The following FAF2 variants were observed in gnomAD, a reference collection of about 807,000 sequenced individuals.
FAF2 encodes the protein FAS-associated factor 2.
Under a neutral mutation model 62.3 loss-of-function variants are expected in FAF2, and 9 were observed. That is an observed-to-expected ratio of 0.14 (90% CI 0.09 to 0.25). The LOEUF is 0.25. FAF2 is among the 10% of genes least tolerant of loss of function. The probability of loss-of-function intolerance (pLI) is 1.00; values close to 1 mark genes in which losing one functional copy is unlikely to be tolerated. For missense variants in FAF2, 368 were observed against 556.2 expected (o/e 0.66, Z 3.40); for synonymous variants, 202 against 198.0 (o/e 1.02, Z -0.17).
rs201122100 is a variant in FAF2 at position 176,489,006 on chromosome 5, A to C, written c.323A>C (p.Tyr108Ser). Residue 108 changes from tyrosine (Y) to serine (S), a missense_variant, in exon 4 of 11, where the codon TAC (tyrosine) becomes TCC (serine). Tyr to Ser is a moderately radical substitution (Grantham distance 144). Transcript: ENST00000261942. ...ATGCTTCCATTCCGGTTTACCTATT[A>C]CACGATACTTGATATATTTAGGTAT... ...LIMLPFRFTY[Y>S]TILDIFRFAL... 1 of 1,613,642 alleles carries C rather than the reference A, an allele frequency of 6.2e-7. No homozygotes were observed. Among genetic ancestry groups the C allele is most frequent in the East Asian group, 2.2e-5 (1 of 44,858 alleles).
intron 3 of FAF2, among the ~76,000 whole-genome samples, chr5:176,487,987 C>T (rs549811619): frequency 4.6e-5 from 7 of 152,096 alleles, no homozygotes; most frequent in East Asian, 1.9e-4. Flanking sequence ...GGATTACAGG[C>T]GCCCACCACC....
chr5:176,474,021 A>G (rs1758619209), intron 1 of FAF2, among the ~76,000 whole-genome samples: 1 of 152,230 alleles, frequency 6.6e-6, no homozygotes. Flanking sequence ...GAATGGTATT[A>G]GAAACCAAGT....
chr5:176,467,137 T>TCC (rs1321269277), intron 1 of FAF2, among the ~76,000 whole-genome samples: 1 of 57,330 alleles, frequency 1.7e-5, no homozygotes, highest in Non-Finnish European at 5.0e-5. Flanking sequence ...TCCTTTTTTT[T>TCC]TTTTTTTTTT....
At chr5:176,487,717 A>T (rs1758899849) in intron 3 of FAF2, among the ~76,000 whole-genome samples, 1 of 152,216 alleles carries the variant, frequency 6.6e-6, no homozygotes, top group African/African-American at 2.4e-5. Context: ...TACTAAGATA[A>T]GCAGCTATAT....
chr5:176,452,546 A>G (rs935187832), intron 1 of FAF2, among the ~76,000 whole-genome samples: 1 of 152,208 alleles, frequency 6.6e-6, no homozygotes, highest in Non-Finnish European at 1.5e-5. Context: ...CTAGATCTGG[A>G]CTTGATGGCT....
chr5:176,463,708 T>A (rs1433721309), intron 1 of FAF2, among the ~76,000 whole-genome samples: 3 of 150,280 alleles, frequency 2.0e-5, no homozygotes, highest in African/African-American at 7.3e-5. Context: ...AGAATTAGAA[T>A]AAAGGGTTAT....
In FAF2 at chr5:176,459,503, G is replaced by A. The variant is rs143133127; in HGVS notation, c.63+11033G>A. 9.9e-4 allele frequency among the ~76,000 whole-genome samples: 150 copies of A among 152,144 alleles called. 2 individuals carry two copies. Among genetic ancestry groups the A allele is most frequent in the Middle Eastern group, 3.4e-3 (1 of 294 alleles). On this transcript the variant is annotated intron_variant, in intron 1 of 10. Coordinates refer to ENST00000261942, the MANE Select transcript of FAF2 (RefSeq NM_014613.3). ...TGGTCTCAAACTCCTGGGCTCAAGC[G>A]ATCTGCCTGCCTCAGCTTCTTTTTT...
intron 1 of FAF2, among the ~76,000 whole-genome samples, chr5:176,450,103 C>T (rs755068701): frequency 1.3e-5 from 2 of 152,054 alleles, no homozygotes; most frequent in Admixed American, 6.6e-5. Context: ...ATTTTTTTGG[C>T]GAGTTCTCAC....
intron 10 of FAF2, among the ~76,000 whole-genome samples, chr5:176,501,000 G>A (rs762977918): frequency 6.6e-6 from 1 of 152,076 alleles, no homozygotes; most frequent in African/African-American, 2.4e-5. Context: ...GGTGGCACGT[G>A]CCTGTAATCC....
intron 1 of FAF2, among the ~76,000 whole-genome samples, chr5:176,471,534 C>G (rs1758569742): frequency 1.3e-5 from 2 of 151,888 alleles, no homozygotes; most frequent in South Asian, 4.2e-4. Flanking sequence ...AGGTGCCCAC[C>G]ACCATGCCTG....
Position 176,494,384 on chromosome 5 carries a change from C to G in FAF2, c.661+109C>G. The G allele has an allele frequency of 2.3e-6, 2 of 883,630 alleles. No individual in the cohort carries two copies. Among genetic ancestry groups the G allele is most frequent in the Non-Finnish European group, 3.8e-6 (2 of 529,858 alleles). The allele number at this position is 883,630 out of a possible 1,614,324, so 54.7% of individuals were successfully genotyped here. On this transcript the variant is annotated intron_variant, in intron 7 of 10. Coordinates refer to ENST00000261942, the MANE Select transcript of FAF2 (RefSeq NM_014613.3). This position sits in a 1 kb window ranked among gnomAD's most constrained non-coding sequence, Gnocchi z 4.0. ...AAGTGTGTTTGTTCTGTGGTAGATACGACGCTAGTTGCTATTTTATATTGT... is the reference window on the plus strand; with the variant it reads ...AAGTGTGTTTGTTCTGTGGTAGATAGGACGCTAGTTGCTATTTTATATTGT...
chr5:176,470,157 A>C (rs189145289), intron 1 of FAF2, among the ~76,000 whole-genome samples: 1 of 152,252 alleles, frequency 6.6e-6, no homozygotes, highest in Non-Finnish European at 1.5e-5. Context: ...ATCAAGCCCT[A>C]AACCTTTCCT....
chr5:176,478,986 G>T (rs544442453), intron 1 of FAF2, among the ~76,000 whole-genome samples: 2 of 152,274 alleles, frequency 1.3e-5, no homozygotes, highest in South Asian at 4.1e-4. Context: ...AGTTTTAAAA[G>T]GAATTATCAT....
chr5:176,481,180 G>A (rs551949780), intron 2 of FAF2, among the ~76,000 whole-genome samples: 1 of 152,134 alleles, frequency 6.6e-6, no homozygotes, highest in Admixed American at 6.5e-5. Context: ...CTGAGTAGCT[G>A]GGATTATAGG....
chr5:176,490,331 G>T (rs114642951), intron 4 of FAF2, among the ~76,000 whole-genome samples: 11,442 of 150,366 alleles, frequency 0.076, 615 homozygotes, highest in Non-Finnish European at 0.12. Context: ...AAAAGAAAAA[G>T]AAAAGAAAAT....
intron 3 of FAF2, among the ~76,000 whole-genome samples, chr5:176,487,244 G>A (rs752790598): frequency 3.9e-5 from 6 of 152,254 alleles, no homozygotes; most frequent in Admixed American, 1.3e-4. Flanking sequence ...GAGTGCAGTG[G>A]CATGATCTTG....
chr5:176,460,125 G>C (rs1355045790), intron 1 of FAF2, among the ~76,000 whole-genome samples: 1 of 152,140 alleles, frequency 6.6e-6, no homozygotes. Context: ...TCTTTATTCA[G>C]ATCACTGTTG....
chr5:176,455,335 G>C (rs1758262236), intron 1 of FAF2, among the ~76,000 whole-genome samples: 1 of 152,120 alleles, frequency 6.6e-6, no homozygotes. Context: ...TGTGATCCCA[G>C]CTACTTGGGA....
chr5:176,499,488 TTTTTG>T (rs377031752), intron 9 of FAF2, among the ~76,000 whole-genome samples: 36 of 152,288 alleles, frequency 2.4e-4, no homozygotes, highest in African/African-American at 4.6e-4. Context: ...TATCTTTTTG[TTTTTG>T]TTTTGTTTTG....
Sources: allele counts gnomAD v4.1 joint callset (sites outside exome capture counted in the v4.1 genomes callset), GRCh38; gene constraint gnomAD v4.1.1; non-coding constraint Gnocchi (gnomAD v3.1); transcripts MANE v1.5; gene names NCBI Gene and HGNC (gene_info 2026-07-23, HGNC 2026-07-21).